The following XRCC4 variants were observed in gnomAD, a reference collection of about 807,000 sequenced individuals.
XRCC4 encodes DNA repair protein XRCC4.
Under a neutral mutation model 39.1 loss-of-function variants are expected in XRCC4, and 28 were observed. That is an observed-to-expected ratio of 0.72 (90% confidence interval 0.53 to 0.98). The LOEUF is 0.98. Ranked by LOEUF, XRCC4 falls within the 50% of genes least tolerant of loss-of-function variation. XRCC4 has a pLI of 0.00. For synonymous variants in XRCC4, 123 were observed against 126.4 expected (o/e 0.97, Z 0.18); for missense variants, 350 against 376.4 (o/e 0.93, Z 0.58).
rs562037074 is a variant in XRCC4, at chr5:83,176,104, C to T, written c.316-19666C>T. Among the ~76,000 whole-genome samples the T allele has an allele frequency of 3.3e-5, 5 of 152,052 alleles. No homozygotes were observed. The South Asian group carries it at 6.2e-4, about 19-fold the overall frequency. On this transcript the variant is annotated intron_variant, in intron 3 of 7. Transcript: ENST00000396027. ...ATTAATTATGTCAGTAATAGCTACC[C>T]GTATCTTGATTATTGATTAGCGTAA... is the stretch of plus-strand genomic sequence containing the variant.
intron 3 of XRCC4, among the ~76,000 whole-genome samples, chr5:83,119,657 G>C (rs1212028126): frequency 6.6e-6 from 1 of 151,878 alleles, no homozygotes; most frequent in African/African-American, 2.4e-5. Flanking sequence ...GTTCAGAAAA[G>C]GAACAACTTA....
At chr5:83,314,887 G>T (rs1266685646) in intron 7 of XRCC4, among the ~76,000 whole-genome samples, 1 of 151,964 alleles carries the variant, frequency 6.6e-6, no homozygotes, top group East Asian at 1.9e-4. Flanking sequence ...TTGATATTAG[G>T]CCAGTTAATA....
intron 1 of XRCC4, among the ~76,000 whole-genome samples, chr5:83,090,351 G>C (rs914847066): frequency 1.3e-5 from 2 of 151,590 alleles, no homozygotes; most frequent in African/African-American, 2.4e-5. Context: ...GGTTGGGGGG[G>C]GCTCCCTGCA....
chr5:83,355,588 C>T (rs1164796535), downstream of XRCC4, among the ~76,000 whole-genome samples: 1 of 152,192 alleles, frequency 6.6e-6, no homozygotes, highest in East Asian at 1.9e-4. Flanking sequence ...AGCTCAAGTA[C>T]TCTTTGTGAA....
chr5:83,224,191 T>G (rs1317712264), intron 6 of XRCC4, among the ~76,000 whole-genome samples: 1 of 152,122 alleles, frequency 6.6e-6, no homozygotes, highest in African/African-American at 2.4e-5. Flanking sequence ...GTGTTTTTTT[T>G]GTGGATAATT....
intron 2 of XRCC4, among the ~76,000 whole-genome samples, chr5:83,106,130 A>G (rs1444002607): frequency 1.3e-5 from 2 of 152,306 alleles, no homozygotes; most frequent in East Asian, 3.9e-4. Flanking sequence ...TTTATCTGTA[A>G]GAGAAAGCAG....
chr5:83,248,248 T>A (rs10058843), intron 6 of XRCC4, among the ~76,000 whole-genome samples: 1 of 152,140 alleles, frequency 6.6e-6, no homozygotes, highest in Non-Finnish European at 1.5e-5. Flanking sequence ...AATGACATTT[T>A]AAAAAATACT....
intron 7 of XRCC4, among the ~76,000 whole-genome samples, chr5:83,339,840 G>T (rs1756701627): frequency 6.6e-6 from 1 of 152,090 alleles, no homozygotes. Context: ...ATTCTGTTTT[G>T]TTATCCCCTA....
At chr5:83,125,517 T>C (rs1028373281) in intron 3 of XRCC4, among the ~76,000 whole-genome samples, 4 of 152,246 alleles carry the variant, frequency 2.6e-5, no homozygotes, top group African/African-American at 9.6e-5. Flanking sequence ...TCTAACACCA[T>C]TAGTTGAAAA....
In XRCC4 at chr5:83,353,191, T is replaced by C; in HGVS notation, c.954T>C (p.Ser318=). 1 of 1,612,596 alleles carries C rather than the reference T, an allele frequency of 6.2e-7. No homozygotes were observed. Among genetic ancestry groups the C allele is most frequent in the East Asian group, 2.2e-5 (1 of 44,706 alleles). ...KKEHISAENM[S]LETLRNSSPE... ...AGCACATCTCAGCTGAAAACATGTC[T>C]TTAGAAACTCTGAGAAACAGCAGCC... is the stretch of plus-strand genomic sequence containing the variant. Residue 318 remains serine (S), a synonymous_variant, in exon 8 of 8, where the codon TCT becomes TCC. Coordinates refer to ENST00000396027, the MANE Select transcript of XRCC4 (RefSeq NM_003401.5).
chr5:83,186,984 C>T (rs1295248529), intron 3 of XRCC4, among the ~76,000 whole-genome samples: 2 of 43,216 alleles, frequency 4.6e-5, no homozygotes, highest in South Asian at 9.2e-4. Flanking sequence ...CGCTCTGTCG[C>T]CCAGGCTGGA....
At chr5:83,275,575 G>A (rs1357544074) in intron 7 of XRCC4, among the ~76,000 whole-genome samples, 1 of 152,120 alleles carries the variant, frequency 6.6e-6, no homozygotes, top group African/African-American at 2.4e-5. Context: ...GATTACAGGC[G>A]TGAGCCACCG....
At chr5:83,135,153 G>A (rs995767432) in intron 3 of XRCC4, among the ~76,000 whole-genome samples, 1 of 152,156 alleles carries the variant, frequency 6.6e-6, no homozygotes, top group African/African-American at 2.4e-5. Flanking sequence ...AAAGGTAATT[G>A]CCTGACCCCT....
At chr5:83,245,255 C>T (rs887829383) in intron 6 of XRCC4, among the ~76,000 whole-genome samples, 5 of 151,548 alleles carry the variant, frequency 3.3e-5, no homozygotes, top group African/African-American at 9.7e-5. Context: ...AACTATTCAG[C>T]GCTTAAATCA....
At chr5:83,265,639 A>T (rs965998801) in intron 7 of XRCC4, among the ~76,000 whole-genome samples, 3 of 152,206 alleles carry the variant, frequency 2.0e-5, no homozygotes, top group African/African-American at 7.2e-5. Flanking sequence ...ACACTTTAAG[A>T]GTATGTTTGC....
chr5:83,141,755 T>G (rs1748186316), intron 3 of XRCC4, among the ~76,000 whole-genome samples: 1 of 152,128 alleles, frequency 6.6e-6, no homozygotes, highest in African/African-American at 2.4e-5. Flanking sequence ...TCCAATATAA[T>G]GTATTCATTG....
rs1751295305 is a variant in XRCC4, at chr5:83,203,563, G to A, written c.494G>A (p.Cys165Tyr). 1.9e-6 allele frequency: 3 copies of A among 1,584,414 alleles called. No homozygotes were observed. Among genetic ancestry groups the A allele is most frequent in the Non-Finnish European group, 2.6e-6 (3 of 1,170,772 alleles). Residue 165 changes from cysteine to tyrosine, a missense_variant, in exon 5 of 8, where the codon TGT (cysteine) becomes TAT (tyrosine). Transcript: ENST00000396027. ...ATTTACTTTTTTAGATTTGAAAAAT[G>A]TGTGAGTGCTAAGGAAGCTTTGGAG... ...WNDVQGRFEKCVSAKEALETD... is the reference protein window; with the variant it reads ...WNDVQGRFEKYVSAKEALETD...
chr5:83,283,483 T>C (rs1308808613), intron 7 of XRCC4, among the ~76,000 whole-genome samples: 1 of 152,240 alleles, frequency 6.6e-6, no homozygotes, highest in Admixed American at 6.5e-5. Context: ...CAAATTTCTC[T>C]GTTTAAAAAA....
At chr5:83,120,667 C>G (rs748821613) in intron 3 of XRCC4, among the ~76,000 whole-genome samples, 2 of 152,110 alleles carry the variant, frequency 1.3e-5, no homozygotes, top group Non-Finnish European at 2.9e-5. Context: ...ATTGATATAC[C>G]ACTTTTACTT....
Sources: allele counts gnomAD v4.1 joint callset (sites outside exome capture counted in the v4.1 genomes callset), GRCh38; gene constraint gnomAD v4.1.1; transcripts MANE v1.5; gene names NCBI Gene and HGNC (gene_info 2026-07-23, HGNC 2026-07-21).